NKAIN2: variants seen among roughly 807,000 people sequenced by gnomAD.
NKAIN2 encodes sodium/potassium transporting ATPase interacting 2.
Under a neutral mutation model 32.6 loss-of-function variants are expected in NKAIN2, and 14 were observed. That is an observed-to-expected ratio of 0.43 (90% confidence interval 0.28 to 0.67). NKAIN2 has a LOEUF of 0.67. Ranked by LOEUF, NKAIN2 falls within the 30% of genes least tolerant of loss-of-function variation. The pLI, the probability that NKAIN2 is intolerant of heterozygous loss-of-function variation, is 0.17. For synonymous variants in NKAIN2, 80 were observed against 87.2 expected, an observed-to-expected ratio of 0.92 and a Z score of 0.46; for missense variants, 198 against 258.3, an observed-to-expected ratio of 0.77 and a Z score of 1.60.
At chr6:124,287,639 A>G (rs538464259) in intron 2 of NKAIN2, among the ~76,000 whole-genome samples, 2 of 152,272 alleles carry the variant, frequency 1.3e-5, no homozygotes, top group South Asian at 4.1e-4. Flanking sequence ...TATCTCAATC[A>G]CATCAAATCC....
chr6:124,659,528 C>T (rs1257785827), intron 4 of NKAIN2, among the ~76,000 whole-genome samples: 1 of 151,612 alleles, frequency 6.6e-6, no homozygotes, highest in Non-Finnish European at 1.5e-5. Context: ...TTGTGATAGA[C>T]TAAGGAAGCT....
At chr6:123,928,442 C>T (rs1269793796) in intron 1 of NKAIN2, among the ~76,000 whole-genome samples, 5 of 152,044 alleles carry the variant, frequency 3.3e-5, no homozygotes, top group East Asian at 1.9e-4. Context: ...TAAAGTGTGA[C>T]GATCCTTTAT....
At chr6:124,564,885 A>C (rs1780845056) in intron 3 of NKAIN2, among the ~76,000 whole-genome samples, 2 of 152,236 alleles carry the variant, frequency 1.3e-5, no homozygotes, top group Admixed American at 1.3e-4. Context: ...AAATAAACGT[A>C]AGGTAAATCA....
intron 4 of NKAIN2, among the ~76,000 whole-genome samples, chr6:124,697,253 G>T (rs11968310): frequency 0.058 from 8,801 of 152,156 alleles, 330 homozygotes; most frequent in African/African-American, 0.11. Context: ...TATGACAACA[G>T]TAGTGGTGAG....
chr6:124,370,503 G>A (rs1397792771), intron 3 of NKAIN2, among the ~76,000 whole-genome samples: 1 of 151,864 alleles, frequency 6.6e-6, no homozygotes, highest in African/African-American at 2.4e-5. Context: ...TGAGTCTAAG[G>A]GTAATTGTAG....
chr6:123,903,405 G>T (rs2114423960), intron 1 of NKAIN2, among the ~76,000 whole-genome samples: 1 of 152,262 alleles, frequency 6.6e-6, no homozygotes, highest in Middle Eastern at 3.4e-3. Flanking sequence ...GATATTAAAT[G>T]ATGAAGACTA....
chr6:124,797,255 G>T (rs1293035757), intron 5 of NKAIN2, among the ~76,000 whole-genome samples: 1 of 150,268 alleles, frequency 6.7e-6, no homozygotes, highest in African/African-American at 2.5e-5. Flanking sequence ...GTAAATCACT[G>T]GCTTAATAGT....
intron 4 of NKAIN2, among the ~76,000 whole-genome samples, chr6:124,714,815 G>C (rs1562340771): frequency 6.6e-6 from 1 of 152,170 alleles, no homozygotes; most frequent in Admixed American, 6.5e-5. Flanking sequence ...CCTCCTCTCA[G>C]GGGAACTGAC....
At chr6:124,731,730 G>T (rs574335294) in intron 4 of NKAIN2, among the ~76,000 whole-genome samples, 24 of 151,728 alleles carry the variant, frequency 1.6e-4, no homozygotes, top group African/African-American at 5.1e-4. Flanking sequence ...AAAGAATGTG[G>T]AAGTTTCATG....
intron 3 of NKAIN2, among the ~76,000 whole-genome samples, chr6:124,599,818 G>A: frequency 6.6e-6 from 1 of 152,172 alleles, no homozygotes; most frequent in East Asian, 1.9e-4. Context: ...GCATGACCAA[G>A]GGTGATGATA....
At chr6:124,488,939 C>A (rs1562216730) in intron 3 of NKAIN2, among the ~76,000 whole-genome samples, 1 of 151,796 alleles carries the variant, frequency 6.6e-6, no homozygotes. Context: ...TCATTTGATC[C>A]TTTCTATTCC....
chr6:124,006,483 A>T (rs559521613), intron 1 of NKAIN2, among the ~76,000 whole-genome samples: 1 of 152,212 alleles, frequency 6.6e-6, no homozygotes, highest in African/African-American at 2.4e-5. Context: ...AATCTAGCTT[A>T]TGCGGTGCAT....
intron 3 of NKAIN2, among the ~76,000 whole-genome samples, chr6:124,604,866 A>T (rs1468964431): frequency 1.3e-5 from 2 of 152,118 alleles, no homozygotes; most frequent in African/African-American, 2.4e-5. Context: ...ACAACAAAGC[A>T]TCGTAAGACT....
At chr6:124,716,786 A>G (rs1775778172) in intron 4 of NKAIN2, among the ~76,000 whole-genome samples, 1 of 145,244 alleles carries the variant, frequency 6.9e-6, no homozygotes, top group African/African-American at 2.6e-5. Context: ...CATCTAACAT[A>G]CTATATAGTT....
At position 124,681,487 on chromosome 6, in the gene NKAIN2, G is replaced by A. The variant is rs114465727; in HGVS notation, c.474+23101G>A. Among the ~76,000 whole-genome samples the A allele has an allele frequency of 8.4e-3, 1,279 of 152,086 alleles. 25 individuals are homozygous for A. The highest frequency in any genetic ancestry group is 0.029 in the African/African-American group (1,222 of 41,522). On this transcript the variant is annotated intron_variant, in intron 4 of 6. Coordinates refer to ENST00000368417, the MANE Select transcript of NKAIN2 (RefSeq NM_001040214.3). ...TTCAGAGAATAATTAATAGCTTGAT[G>A]TATCATCTTGGTGTATGATTAATCT...
chr6:124,721,870 G>A (rs1776037098), intron 4 of NKAIN2, among the ~76,000 whole-genome samples: 1 of 152,104 alleles, frequency 6.6e-6, no homozygotes, highest in Non-Finnish European at 1.5e-5. Context: ...GTATACATCA[G>A]TATTATTAAG....
intron 1 of NKAIN2, among the ~76,000 whole-genome samples, chr6:123,968,667 C>T (rs532925437): frequency 7.2e-5 from 11 of 152,266 alleles, no homozygotes; most frequent in African/African-American, 2.2e-4. Context: ...CACAGTGTGG[C>T]TCCTTTCATG....
chr6:123,996,234 G>A (rs1265257132), intron 1 of NKAIN2, among the ~76,000 whole-genome samples: 1 of 151,990 alleles, frequency 6.6e-6, no homozygotes, highest in Non-Finnish European at 1.5e-5. Context: ...TTTACTGAGT[G>A]ATGGAATAAA....
intron 4 of NKAIN2, among the ~76,000 whole-genome samples, chr6:124,732,994 C>A (rs1776761648): frequency 6.6e-6 from 1 of 151,674 alleles, no homozygotes; most frequent in Non-Finnish European, 1.5e-5. Flanking sequence ...TTTAACAATA[C>A]AAGGAAATGA....
Sources: gnomAD v4.1 joint callset for allele counts (sites outside exome capture counted in the v4.1 genomes callset) on GRCh38, gnomAD v4.1.1 for gene constraint, MANE v1.5 for transcripts, NCBI Gene and HGNC (gene_info 2026-07-23, HGNC 2026-07-21) for gene names.